Variants in SLC39A10 observed in about 807,000 individuals in gnomAD.
SLC39A10 encodes the protein solute carrier family 39 member 10.
In SLC39A10, 13 loss-of-function variants were observed where a neutral mutation model predicts 65.1. The observed-to-expected ratio is 0.20, with a 90% CI of 0.13 to 0.32. SLC39A10 has a LOEUF of 0.32. Among genes scored for constraint, SLC39A10 ranks in the 10% least tolerant of loss-of-function variants. SLC39A10 has a pLI of 1.00. For synonymous variants in SLC39A10, 321 were observed against 342.2 expected (o/e 0.94, Z 0.68); for missense variants, 831 against 1,018.4 (o/e 0.82, Z 2.50).
At chr2:195,684,205 A>G (rs1042148524) in intron 3 of SLC39A10, among the ~76,000 whole-genome samples, 6 of 152,188 alleles carry the variant, frequency 3.9e-5, no homozygotes, top group East Asian at 1.9e-4. Context: ...GAGCAAATAT[A>G]AATAATGGGA....
intron 4 of SLC39A10, among the ~76,000 whole-genome samples, chr2:195,708,003 G>T (rs1691467437): frequency 6.6e-6 from 1 of 152,050 alleles, no homozygotes; most frequent in African/African-American, 2.4e-5. Flanking sequence ...ATTTATGATT[G>T]CTAAAGCTTT....
chr2:195,689,575 G>A (rs1055068869), intron 3 of SLC39A10, among the ~76,000 whole-genome samples: 2 of 151,978 alleles, frequency 1.3e-5, no homozygotes, highest in African/African-American at 4.8e-5. Context: ...AACAAAATTT[G>A]TCATTTTAAC....
chr2:195,641,036 G>C (rs1688802982), intron 2 of SLC39A10, among the ~76,000 whole-genome samples: 1 of 152,196 alleles, frequency 6.6e-6, no homozygotes, highest in South Asian at 2.1e-4. Flanking sequence ...GCTGAAGATA[G>C]TACATTGAAC....
chr2:195,619,467 G>A (rs1178103509), intron 2 of SLC39A10, among the ~76,000 whole-genome samples: 2 of 152,142 alleles, frequency 1.3e-5, no homozygotes, highest in East Asian at 1.9e-4. Context: ...TGTGGTTTTC[G>A]GTTTCAGATA....
chr2:195,625,283 C>CT lies in SLC39A10; in HGVS notation c.-12+19059dup, dbSNP rs1306314171. Among the ~76,000 whole-genome samples, 1,153 of 139,836 alleles carry CT rather than the reference C, an allele frequency of 8.2e-3. 7 individuals carry two copies. Among genetic ancestry groups the CT allele is most frequent in the Non-Finnish European group, 0.014 (869 of 64,314 alleles). The allele number at this position is 139,836 out of a possible 152,430, so 91.7% of individuals were successfully genotyped here. ...TTGACAACTTTTTTTCTTTTTTTTT[C>CT]TTTTTTTTTGAGACGGAGTTTCGCT... is the stretch of plus-strand genomic sequence containing the variant. On this transcript the variant is annotated intron_variant, in intron 2 of 2. Coordinates refer to the SLC39A10 transcript ENST00000458054.
rs1553509559 is a variant in SLC39A10, at chr2:195,737,365, T to TATCAATC, written c.*2326_*2332dup. The stretch of plus-strand genomic sequence containing the variant: ...TGACATCCATATGAATTTTGGTATA[T>TATCAATC]ATCAATCAATCAATCAATCACATTG... On this transcript the variant is annotated 3_prime_UTR_variant, in exon 10 of 10. Transcript: ENST00000359634. 3 of 152,530 alleles carry TATCAATC rather than the reference T, an allele frequency of 2.0e-5. No homozygotes were observed. Among genetic ancestry groups the TATCAATC allele is most frequent in the Admixed American group, 1.3e-4 (2 of 15,412 alleles). 9.4% of individuals were successfully genotyped at this position (152,530 alleles called of 1,614,324 possible).
chr2:195,697,838 T>G (rs1393679323), intron 3 of SLC39A10, among the ~76,000 whole-genome samples: 2 of 152,136 alleles, frequency 1.3e-5, no homozygotes. Context: ...CATCACTGAT[T>G]ATTAGAGAAA....
At chr2:195,619,092 C>CAAA (rs66627464) in intron 2 of SLC39A10, among the ~76,000 whole-genome samples, 34 of 69,624 alleles carry the variant, frequency 4.9e-4, no homozygotes, top group Admixed American at 6.9e-4. Context: ...GACTCTGTCT[C>CAAA]AAAAAAAAAA....
rs1692664843 is a variant in SLC39A10 at position 195,737,288 on chromosome 2, A to G, written c.*2247A>G. 6.5e-6 allele frequency: 1 copy of G among 152,760 alleles called. No homozygotes were observed. The highest frequency in any genetic ancestry group is 2.1e-4 in the South Asian group (1 of 4,838). 9.5% of individuals were successfully genotyped at this position (152,760 alleles called of 1,614,324 possible). On this transcript the variant is annotated 3_prime_UTR_variant, in exon 10 of 10. Transcript: ENST00000359634. Reference sequence around the variant, plus strand: ...CTTTTAGCTTGACCAGTCTAATTTAAAATGTGTTTGTTGGAGGTCATTAAC... The same window carrying G: ...CTTTTAGCTTGACCAGTCTAATTTAGAATGTGTTTGTTGGAGGTCATTAAC...
chr2:195,645,052 G>A lies in SLC39A10; in HGVS notation c.-11-34980G>A, dbSNP rs1297459340. 3.3e-5 allele frequency among the ~76,000 whole-genome samples: 5 copies of A among 151,958 alleles called. No homozygotes were observed. The East Asian group carries it at 9.7e-4, about 29-fold the overall frequency. On this transcript the variant is annotated intron_variant, in intron 2 of 2. Transcript: ENST00000458054. ...AGCCGCCCTAGTAGCTAGGATTACA[G>A]GCATGTGCCACCACGCCCGGCTAAT... is the stretch of plus-strand genomic sequence containing the variant.
chr2:195,613,952 TC>T (rs1688152994), intron 2 of SLC39A10, among the ~76,000 whole-genome samples: 1 of 152,208 alleles, frequency 6.6e-6, no homozygotes, highest in African/African-American at 2.4e-5. Flanking sequence ...ACCTGTTCTG[TC>T]CCTACCTTTG....
chr2:195,641,717 G>A lies in SLC39A10; in HGVS notation c.-12+35484G>A, dbSNP rs188664542. 9.3e-4 allele frequency among the ~76,000 whole-genome samples: 127 copies of A among 135,842 alleles called. No homozygotes were observed. The East Asian group carries it at 0.025, about 27-fold the overall frequency. The allele number at this position is 135,842 out of a possible 152,430, so 89.1% of individuals were successfully genotyped here. On this transcript the variant is annotated intron_variant, in intron 2 of 2. Coordinates refer to the SLC39A10 transcript ENST00000458054. Reference sequence around the variant, plus strand: ...TTTTTTTTTTTTGAGTTGGAGTCTCGCTCTGGGAGTCTTGCCCAGGCTGGA... The same window carrying A: ...TTTTTTTTTTTTGAGTTGGAGTCTCACTCTGGGAGTCTTGCCCAGGCTGGA...
chr2:195,663,457 A>C (rs1264397978), intron 1 of SLC39A10, among the ~76,000 whole-genome samples: 1 of 152,214 alleles, frequency 6.6e-6, no homozygotes, highest in Non-Finnish European at 1.5e-5. Flanking sequence ...GAAACAATAC[A>C]TGGTGTGTTA....
intron 8 of SLC39A10, among the ~76,000 whole-genome samples, chr2:195,721,979 T>C (rs914227822): frequency 6.6e-6 from 1 of 152,174 alleles, no homozygotes. Flanking sequence ...CTGCAATTTC[T>C]CATTGAAGGA....
At chr2:195,685,878 C>G (rs1690505775) in intron 3 of SLC39A10, among the ~76,000 whole-genome samples, 1 of 152,156 alleles carries the variant, frequency 6.6e-6, no homozygotes, top group African/African-American at 2.4e-5. Context: ...TATAAGCGTT[C>G]AGTTATAATC....
At chr2:195,657,726 C>A (rs1340230159) in intron 1 of SLC39A10, 2 of 744,310 alleles carry the variant, frequency 2.7e-6, no homozygotes, top group Admixed American at 6.3e-5. Flanking sequence ...GCGGGCGAGG[C>A]TTTGGGGATC....
intron 5 of SLC39A10, among the ~76,000 whole-genome samples, chr2:195,709,895 A>G (rs1379033097): frequency 1.3e-5 from 2 of 152,182 alleles, no homozygotes; most frequent in Non-Finnish European, 2.9e-5. Flanking sequence ...TAATCATGTG[A>G]CTTTTATTGT....
At chr2:195,723,315 T>TA (rs1212545936) in intron 8 of SLC39A10, among the ~76,000 whole-genome samples, 12 of 152,324 alleles carry the variant, frequency 7.9e-5, no homozygotes, top group African/African-American at 2.9e-4. Context: ...TACTTTGTCT[T>TA]ATCTCTTCAC....
At chr2:195,628,138 T>A (rs569781798) in intron 2 of SLC39A10, among the ~76,000 whole-genome samples, 1 of 152,210 alleles carries the variant, frequency 6.6e-6, no homozygotes, top group African/African-American at 2.4e-5. Context: ...GTAAGAAAAC[T>A]GTGAGAAAGA....
Sources: gnomAD v4.1 joint callset for allele counts (sites outside exome capture counted in the v4.1 genomes callset) on GRCh38, gnomAD v4.1.1 for gene constraint, MANE v1.5 for transcripts, NCBI Gene and HGNC (gene_info 2026-07-23, HGNC 2026-07-21) for gene names.